FGGY: variants seen among roughly 807,000 people sequenced by gnomAD.
The protein encoded by FGGY is FGGY carbohydrate kinase domain-containing protein.
A neutral mutation model predicts 71.3 loss-of-function variants in FGGY; 72 were observed. The observed-to-expected ratio is 1.01, with a 90% CI of 0.84 to 1.23. The LOEUF is 1.23. Ranked by LOEUF, FGGY falls within the 50% of genes most tolerant of loss-of-function variation. FGGY has a pLI of 0.00. For synonymous variants in FGGY, 251 were observed against 250.3 expected (o/e 1.00, Z -0.02); for missense variants, 668 against 682.3 (o/e 0.98, Z 0.23).
intron 5 of FGGY, 110 bp downstream of exon 5, chr1:59,378,947 A>G (rs531222574): frequency 3.5e-6 from 3 of 863,528 alleles, no homozygotes; most frequent in African/African-American, 3.4e-5. Context: ...GTACATCTGC[A>G]TGTGATTTTG....
intron 14 of FGGY, among the ~76,000 whole-genome samples, chr1:59,717,796 A>G (rs1207138944): frequency 6.6e-6 from 1 of 152,232 alleles, no homozygotes; most frequent in East Asian, 1.9e-4. Flanking sequence ...GAGTTATGCA[A>G]TATATTGTGT....
intron 8 of FGGY, among the ~76,000 whole-genome samples, chr1:59,588,290 T>C (rs1370800381): frequency 1.3e-5 from 2 of 152,050 alleles, no homozygotes; most frequent in Non-Finnish European, 2.9e-5. Flanking sequence ...AATATGGGAC[T>C]ATGTGAAAAG....
intron 14 of FGGY, among the ~76,000 whole-genome samples, chr1:59,748,248 G>A (rs2098216436): frequency 6.6e-6 from 1 of 152,110 alleles, no homozygotes; most frequent in Non-Finnish European, 1.5e-5. Flanking sequence ...CCACAGAGAA[G>A]CAGGCAGACA....
At chr1:59,406,419 A>G (rs1005846949) in intron 5 of FGGY, among the ~76,000 whole-genome samples, 1 of 152,122 alleles carries the variant, frequency 6.6e-6, no homozygotes, top group African/African-American at 2.4e-5. Flanking sequence ...CACCCCAAGC[A>G]TTGTGCAAAA....
At chr1:59,656,657 G>A (rs1211942800) in intron 11 of FGGY, among the ~76,000 whole-genome samples, 2 of 152,226 alleles carry the variant, frequency 1.3e-5, no homozygotes, top group Non-Finnish European at 2.9e-5. Flanking sequence ...TGTTAGTGGT[G>A]AGGGAATACT....
chr1:59,633,878 A>AC (rs1200964127), intron 10 of FGGY, among the ~76,000 whole-genome samples: 2 of 152,202 alleles, frequency 1.3e-5, no homozygotes, highest in Non-Finnish European at 1.5e-5. Context: ...TCTCTGGAAG[A>AC]CGTCATATGT....
chr1:59,639,995 A>C (rs910749771), intron 11 of FGGY, among the ~76,000 whole-genome samples: 8 of 152,244 alleles, frequency 5.3e-5, no homozygotes, highest in African/African-American at 1.7e-4. Context: ...TGTTCTGAAG[A>C]ATTCTCATAT....
chr1:59,439,819 A>G (rs1183793021), intron 5 of FGGY, among the ~76,000 whole-genome samples: 1 of 152,178 alleles, frequency 6.6e-6, no homozygotes, highest in Non-Finnish European at 1.5e-5. Context: ...CAAACCATTG[A>G]ATACTACTCT....
At chr1:59,710,402 C>T (rs1290042850) in intron 14 of FGGY, among the ~76,000 whole-genome samples, 1 of 152,128 alleles carries the variant, frequency 6.6e-6, no homozygotes, top group South Asian at 2.1e-4. Context: ...GACTTCATGA[C>T]TAAAACACCG....
chr1:59,648,987 C>T (rs984043763), intron 11 of FGGY, among the ~76,000 whole-genome samples: 1 of 151,478 alleles, frequency 6.6e-6, no homozygotes, highest in Non-Finnish European at 1.5e-5. Context: ...GTTTTCCCAG[C>T]ACCATTTATT....
At chr1:59,362,744 A>G (rs549390898) in intron 4 of FGGY, among the ~76,000 whole-genome samples, 3 of 152,310 alleles carry the variant, frequency 2.0e-5, no homozygotes, top group Admixed American at 6.5e-5. Flanking sequence ...TAGTTTATAA[A>G]TTATGTATTT....
intron 5 of FGGY, among the ~76,000 whole-genome samples, chr1:59,407,508 G>A (rs1277736009): frequency 6.6e-6 from 1 of 152,080 alleles, no homozygotes; most frequent in African/African-American, 2.4e-5. Flanking sequence ...GAGCTTATTT[G>A]TCTGGAATAT....
chr1:59,724,494 A>C (rs1274710740), intron 14 of FGGY, among the ~76,000 whole-genome samples: 1 of 152,008 alleles, frequency 6.6e-6, no homozygotes, highest in African/African-American at 2.4e-5. Context: ...AAAAAAAAAA[A>C]AAAATTCCCC....
At chr1:59,723,269 G>A (rs2097912530) in intron 14 of FGGY, among the ~76,000 whole-genome samples, 1 of 152,124 alleles carries the variant, frequency 6.6e-6, no homozygotes, top group Non-Finnish European at 1.5e-5. Context: ...AAATATTTCT[G>A]TATGTAATCA....
chr1:59,299,742 G>A (rs2042472040), intron 1 of FGGY, among the ~76,000 whole-genome samples: 1 of 152,210 alleles, frequency 6.6e-6, no homozygotes, highest in Non-Finnish European at 1.5e-5. Flanking sequence ...CCCTGTTGCT[G>A]TGTCGTTCCC....
At chr1:59,675,916 A>C (rs2097430977) in intron 14 of FGGY, among the ~76,000 whole-genome samples, 1 of 152,090 alleles carries the variant, frequency 6.6e-6, no homozygotes, top group African/African-American at 2.4e-5. Flanking sequence ...GCAGGAGCCT[A>C]GTCTGATGGG....
intron 14 of FGGY, among the ~76,000 whole-genome samples, chr1:59,687,677 C>A (rs2153997272): frequency 6.6e-6 from 1 of 151,606 alleles, no homozygotes; most frequent in East Asian, 2.0e-4. Context: ...ACCGTGTTAG[C>A]CAGGATGACC....
chr1:59,378,946 C>T, intron 5 of FGGY, 109 bp downstream of exon 5: 1 of 876,248 alleles, frequency 1.1e-6, no homozygotes, highest in Non-Finnish European at 1.8e-6. Flanking sequence ...GGTACATCTG[C>T]ATGTGATTTT....
At chr1:59,737,390 T>A (rs1287554877) in intron 14 of FGGY, among the ~76,000 whole-genome samples, 1 of 152,206 alleles carries the variant, frequency 6.6e-6, no homozygotes, top group Non-Finnish European at 1.5e-5. Flanking sequence ...CTGAAAAAGC[T>A]GTAAACACTC....
Sources: gnomAD v4.1 joint callset for allele counts (sites outside exome capture counted in the v4.1 genomes callset) on GRCh38, gnomAD v4.1.1 for gene constraint, MANE v1.5 for transcripts, NCBI Gene and HGNC (gene_info 2026-07-23, HGNC 2026-07-21) for gene names.